EYS: variants seen among roughly 807,000 people sequenced by gnomAD.
EYS encodes EGF-like photoreceptor maintenance factor.
In EYS, 250 loss-of-function variants were observed where a neutral mutation model predicts 282.1. The ratio of observed to expected loss-of-function variants is 0.89; its 90% CI spans 0.80 to 0.98. EYS has a LOEUF of 0.98. Among genes scored for constraint, EYS ranks in the 50% least tolerant of loss-of-function variants. EYS has a pLI of 0.00. For missense variants in EYS, 4,016 were observed against 3,709.0 expected, an observed-to-expected ratio of 1.08 and a Z score of -2.15; for synonymous variants, 1,355 against 1,282.9, an observed-to-expected ratio of 1.06 and a Z score of -1.20.
chr6:65,658,815 C>A (rs1236902695), intron 1 of EYS, among the ~76,000 whole-genome samples: 4 of 151,600 alleles, frequency 2.6e-5, no homozygotes, highest in African/African-American at 9.7e-5. Flanking sequence ...AGCACACTGG[C>A]AAATCATATT....
intron 2 of EYS, among the ~76,000 whole-genome samples, chr6:65,516,030 G>T (rs1767119951): frequency 6.6e-6 from 1 of 151,370 alleles, no homozygotes; most frequent in Admixed American, 6.6e-5. Flanking sequence ...CACATATTAA[G>T]ACTGAAAAAT....
intron 29 of EYS, among the ~76,000 whole-genome samples, chr6:64,321,289 T>C (rs547241320): frequency 6.6e-6 from 1 of 151,928 alleles, no homozygotes; most frequent in Non-Finnish European, 1.5e-5. Flanking sequence ...CTATGGTGAA[T>C]CTACTCTAAA....
chr6:63,879,600 CTT>C (rs1213687799), intron 35 of EYS, among the ~76,000 whole-genome samples: 2 of 152,262 alleles, frequency 1.3e-5, no homozygotes, highest in South Asian at 2.1e-4. Context: ...CATATATACT[CTT>C]TCTCTTATAA....
chr6:64,529,789 T>C (rs188793797), intron 26 of EYS, among the ~76,000 whole-genome samples: 22 of 151,844 alleles, frequency 1.4e-4, no homozygotes, highest in Middle Eastern at 6.8e-3. Flanking sequence ...AAGCAGAAAA[T>C]AAGTTTGCAG....
chr6:65,087,322 C>G (rs1017288985), intron 12 of EYS, among the ~76,000 whole-genome samples: 10 of 152,138 alleles, frequency 6.6e-5, no homozygotes, highest in African/African-American at 2.4e-4. Flanking sequence ...ATTATTCCAC[C>G]AAAATGACTA....
chr6:64,572,923 C>G (rs540508486), intron 26 of EYS, among the ~76,000 whole-genome samples: 1 of 152,162 alleles, frequency 6.6e-6, no homozygotes, highest in South Asian at 2.1e-4. Flanking sequence ...AAAAAAACTA[C>G]TTTAAATTTC....
chr6:65,194,312 C>T (rs2150241856), intron 12 of EYS, among the ~76,000 whole-genome samples: 1 of 151,888 alleles, frequency 6.6e-6, no homozygotes, highest in South Asian at 2.1e-4. Flanking sequence ...TTTCAAGTGG[C>T]TCATGAATTA....
intron 41 of EYS, among the ~76,000 whole-genome samples, chr6:63,753,684 T>A (rs764811416): frequency 2.6e-5 from 4 of 152,140 alleles, no homozygotes; most frequent in South Asian, 4.1e-4. Flanking sequence ...ATGTTGGGAT[T>A]ACAATCCCTC....
intron 12 of EYS, among the ~76,000 whole-genome samples, chr6:65,251,386 A>G (rs553281094): frequency 2.2e-4 from 34 of 151,814 alleles, no homozygotes; most frequent in African/African-American, 7.9e-4. Flanking sequence ...AAACTATAAA[A>G]ATTTTAATTA....
rs58326040 is a variant in EYS, at chr6:65,506,460, C to CTTTTTTTTTTTTTTTT, written c.-332-10483_-332-10468dup. ...GGTTTACAATATCCTTCCTTCCTTT[C>CTTTTTTTTTTTTTTTT]TTTTTTTTTTTTTTTTTTTTTTTTT... On this transcript the variant is annotated intron_variant, in intron 2 of 42. Coordinates refer to ENST00000503581, the MANE Select transcript of EYS (RefSeq NM_001142800.2). Among the ~76,000 whole-genome samples, 38 of 64,892 alleles carry CTTTTTTTTTTTTTTTT rather than the reference C, an allele frequency of 5.9e-4. 3 individuals are homozygous for CTTTTTTTTTTTTTTTT. The highest frequency in any genetic ancestry group is 7.5e-4 in the Non-Finnish European group (27 of 35,808). 42.6% of individuals were successfully genotyped at this position (64,892 alleles called of 152,430 possible).
intron 12 of EYS, among the ~76,000 whole-genome samples, chr6:65,132,137 G>A (rs1173153268): frequency 1.3e-5 from 2 of 151,910 alleles, no homozygotes; most frequent in Admixed American, 1.3e-4. Flanking sequence ...TCTACCATAT[G>A]TATAAGGAAG....
At chr6:64,493,964 C>A (rs1161360712) in intron 26 of EYS, among the ~76,000 whole-genome samples, 1 of 151,600 alleles carries the variant, frequency 6.6e-6, no homozygotes, top group Non-Finnish European at 1.5e-5. Flanking sequence ...GTCAAAGGGA[C>A]TAAGGGGTCC....
At chr6:64,054,666 C>A (rs946129673) in intron 33 of EYS, among the ~76,000 whole-genome samples, 1 of 152,064 alleles carries the variant, frequency 6.6e-6, no homozygotes, top group Non-Finnish European at 1.5e-5. Context: ...GTAAAATGGC[C>A]TAGGTAGTAA....
At chr6:64,724,079 TG>T (rs1158331275) in intron 22 of EYS, among the ~76,000 whole-genome samples, 98 of 151,734 alleles carry the variant, frequency 6.5e-4, no homozygotes, top group African/African-American at 2.1e-3. Context: ...TTTTTTTTTT[TG>T]TTGTTTTAAC....
intron 22 of EYS, among the ~76,000 whole-genome samples, chr6:64,757,521 G>A (rs899163941): frequency 2.6e-5 from 4 of 151,780 alleles, no homozygotes; most frequent in Non-Finnish European, 5.9e-5. Context: ...TACACATTTT[G>A]GTAGAAAAAC....
intron 29 of EYS, among the ~76,000 whole-genome samples, chr6:64,353,312 T>G (rs2150404498): frequency 6.6e-6 from 1 of 151,692 alleles, no homozygotes; most frequent in East Asian, 2.0e-4. Flanking sequence ...ACATTATACC[T>G]CATTTGAGTC....
At position 64,436,204 on chromosome 6, in the gene EYS, T is replaced by G; in HGVS notation, c.5897A>C (p.Asp1966Ala). The change falls in exon 28 of 43, where the codon GAC (aspartate) becomes GCC (alanine). Residue 1966 changes from aspartate to alanine, a missense_variant. Coordinates refer to ENST00000503581, the MANE Select transcript of EYS (RefSeq NM_001142800.2). ...FKSINTTVRV[D>A]NGQKYTLLIR... ...AAGCAGTGTATACTTTTGCCCGTTG[T>G]CCACTCTAACAGTAGTATTAATGCT... 1 of 1,544,390 alleles carries G rather than the reference T, an allele frequency of 6.5e-7. No homozygotes were observed. Among genetic ancestry groups the G allele is most frequent in the Non-Finnish European group, 8.8e-7 (1 of 1,142,410 alleles).
intron 35 of EYS, among the ~76,000 whole-genome samples, chr6:63,905,804 T>C (rs969192339): frequency 3.9e-5 from 6 of 152,246 alleles, no homozygotes; most frequent in African/African-American, 9.6e-5. Flanking sequence ...TGTAAGCTTT[T>C]CTTGACATAT....
intron 18 of EYS, among the ~76,000 whole-genome samples, chr6:64,894,211 T>C (rs1451985320): frequency 6.6e-6 from 1 of 152,118 alleles, no homozygotes; most frequent in African/African-American, 2.4e-5. Flanking sequence ...ATAAAGATAT[T>C]GGAAAGGCAT....
Sources: gnomAD v4.1 joint callset for allele counts (sites outside exome capture counted in the v4.1 genomes callset) on GRCh38, gnomAD v4.1.1 for gene constraint, MANE v1.5 for transcripts, NCBI Gene and HGNC (gene_info 2026-07-23, HGNC 2026-07-21) for gene names.